Variants in LCLAT1 observed in about 807,000 individuals in gnomAD.
LCLAT1 encodes 1-AGP acyltransferase 8.
LCLAT1 carries 11 observed loss-of-function variants against 30.7 expected under a neutral mutation model. The ratio of observed to expected loss-of-function variants is 0.36; its 90% CI spans 0.23 to 0.59. The LOEUF (loss-of-function observed/expected upper bound fraction) is 0.59, where lower values mean the gene tolerates loss of function less well. LCLAT1 is among the 20% of genes least tolerant of loss of function. The pLI, the probability that LCLAT1 is intolerant of heterozygous loss-of-function variation, is 0.77. For missense variants in LCLAT1, 402 were observed against 458.6 expected (o/e 0.88, Z 1.13); for synonymous variants, 155 against 151.3 (o/e 1.02, Z -0.18).
intron 5 of LCLAT1, among the ~76,000 whole-genome samples, chr2:30,596,508 ATTTG>A (rs1303327017): frequency 1.5e-4 from 22 of 151,404 alleles, no homozygotes; most frequent in Admixed American, 9.9e-4. Flanking sequence ...TTTCTTGTAA[ATTTG>A]TTTAAGTTTC....
intron 5 of LCLAT1, among the ~76,000 whole-genome samples, chr2:30,586,465 C>T (rs1666447253): frequency 6.6e-6 from 1 of 152,158 alleles, no homozygotes; most frequent in Admixed American, 6.5e-5. Context: ...GCCTTCTGCC[C>T]TGTGACTTCC....
In LCLAT1 at chr2:30,572,323, C is replaced by G. The variant is rs150789477; in HGVS notation, c.628+4147C>G. 6.6e-3 allele frequency among the ~76,000 whole-genome samples: 1,005 copies of G among 152,314 alleles called. 7 individuals are homozygous for G. The highest frequency in any genetic ancestry group is 0.024 in the Middle Eastern group (7 of 294). ...TTAAAAACAACCATCTAACACTTAT[C>G]AAGTTCTTCTTATGTACCAGGTATT... On this transcript the variant is annotated intron_variant, in intron 5 of 5. Coordinates refer to ENST00000379509, the MANE Select transcript of LCLAT1 (RefSeq NM_001002257.3).
intron 1 of LCLAT1, among the ~76,000 whole-genome samples, chr2:30,508,084 A>G (rs1684757017): frequency 6.6e-6 from 1 of 152,086 alleles, no homozygotes; most frequent in Admixed American, 6.6e-5. Flanking sequence ...GGCCACATGT[A>G]TGTCTTCTTT....
chr2:30,530,058 TATATAAAAGATCCTTGGAAA>T (rs1685912233), intron 2 of LCLAT1, among the ~76,000 whole-genome samples: 1 of 152,230 alleles, frequency 6.6e-6, no homozygotes, highest in Admixed American at 6.5e-5. Flanking sequence ...TAAGTAGTGG[TATATAAAAGATCCTTGGAAA>T]ATGCTTCCAT....
chr2:30,583,915 T>C (rs1340923402), intron 5 of LCLAT1, among the ~76,000 whole-genome samples: 1 of 151,834 alleles, frequency 6.6e-6, no homozygotes, highest in Non-Finnish European at 1.5e-5. Context: ...TTTTCTTTCC[T>C]TTTAAGTTCC....
chr2:30,633,775 T>G (rs1241711493), intron 5 of LCLAT1, among the ~76,000 whole-genome samples: 1 of 152,244 alleles, frequency 6.6e-6, no homozygotes, highest in South Asian at 2.1e-4. Flanking sequence ...TTAGTTGTTA[T>G]GAGATCACTG....
chr2:30,605,926 G>A (rs2248777), intron 5 of LCLAT1: 662,489 of 930,970 alleles, frequency 0.71, 237,912 homozygotes, highest in African/African-American at 0.88. Flanking sequence ...TAAGGAGCGC[G>A]CAACCTAGAT....
chr2:30,456,447 T>C (rs957654582), intron 1 of LCLAT1, among the ~76,000 whole-genome samples: 1 of 151,540 alleles, frequency 6.6e-6, no homozygotes, highest in Non-Finnish European at 1.5e-5. Context: ...TCTAGACTTC[T>C]CCAATATCAC....
At chr2:30,459,561 C>A in intron 1 of LCLAT1, 1 of 1,265,506 alleles carries the variant, frequency 7.9e-7, no homozygotes, top group Non-Finnish European at 1.2e-6. Flanking sequence ...GGCTGAAAAA[C>A]AGAGTGGGTA....
At chr2:30,459,263 G>A (rs1681981332) in intron 1 of LCLAT1, among the ~76,000 whole-genome samples, 1 of 152,166 alleles carries the variant, frequency 6.6e-6, no homozygotes, top group South Asian at 2.1e-4. Flanking sequence ...TCAGGGAGAA[G>A]CAGAAGCTCC....
At chr2:30,482,663 G>A (rs1235371620) in intron 1 of LCLAT1, among the ~76,000 whole-genome samples, 2 of 151,932 alleles carry the variant, frequency 1.3e-5, no homozygotes, top group Non-Finnish European at 2.9e-5. Context: ...TTCCAAATGT[G>A]ATATGTCTGC....
chr2:30,536,861 A>G (rs1558504528), intron 3 of LCLAT1, among the ~76,000 whole-genome samples: 2 of 152,236 alleles, frequency 1.3e-5, no homozygotes, highest in Non-Finnish European at 2.9e-5. Flanking sequence ...GTCCTCACCT[A>G]TTAATAACCT....
intron 5 of LCLAT1, among the ~76,000 whole-genome samples, chr2:30,576,558 A>G (rs1428869854): frequency 6.6e-6 from 1 of 152,136 alleles, no homozygotes; most frequent in Non-Finnish European, 1.5e-5. Context: ...ATTCTCAGCA[A>G]AGGTGAGATT....
intron 5 of LCLAT1, among the ~76,000 whole-genome samples, chr2:30,629,447 C>G (rs183509624): frequency 1.6e-4 from 25 of 152,208 alleles, no homozygotes; most frequent in Admixed American, 1.4e-3. Flanking sequence ...GTAATCCCAG[C>G]CACTTGGGAG....
chr2:30,610,115 T>G (rs1292412183), intron 5 of LCLAT1, among the ~76,000 whole-genome samples: 1 of 152,134 alleles, frequency 6.6e-6, no homozygotes, highest in Non-Finnish European at 1.5e-5. Flanking sequence ...AACTAGACTT[T>G]GTCACATATT....
chr2:30,534,782 A>G (rs1686161446), intron 3 of LCLAT1, among the ~76,000 whole-genome samples: 1 of 152,176 alleles, frequency 6.6e-6, no homozygotes, highest in Non-Finnish European at 1.5e-5. Flanking sequence ...TTATTGGTGG[A>G]AGCAGTTACC....
chr2:30,537,658 C>G (rs1375274219), intron 3 of LCLAT1, among the ~76,000 whole-genome samples: 3 of 152,120 alleles, frequency 2.0e-5, no homozygotes, highest in Non-Finnish European at 4.4e-5. Flanking sequence ...ACCTCACTCT[C>G]AGCAACAGAT....
chr2:30,535,962 G>A (rs150277964), intron 3 of LCLAT1, among the ~76,000 whole-genome samples: 1 of 152,138 alleles, frequency 6.6e-6, no homozygotes, highest in African/African-American at 2.4e-5. Flanking sequence ...GAAAATGGTA[G>A]ATATCATAAA....
chr2:30,482,412 T>C (rs751290171), intron 1 of LCLAT1, among the ~76,000 whole-genome samples: 1 of 152,216 alleles, frequency 6.6e-6, no homozygotes, highest in Non-Finnish European at 1.5e-5. Flanking sequence ...ATAGGAATTA[T>C]TTGAATATTT....
Sources: allele counts gnomAD v4.1 joint callset (sites outside exome capture counted in the v4.1 genomes callset), GRCh38; gene constraint gnomAD v4.1.1; transcripts MANE v1.5; gene names NCBI Gene and HGNC (gene_info 2026-07-23, HGNC 2026-07-21).